Variants in SASH1 observed in about 807,000 individuals in gnomAD.
SASH1 encodes the protein SAM and SH3 domain-containing protein 1.
Under a neutral mutation model 125.2 loss-of-function variants are expected in SASH1, and 44 were observed. That is an observed-to-expected ratio of 0.35 (90% CI 0.28 to 0.45). The LOEUF (loss-of-function observed/expected upper bound fraction) is 0.45. SASH1 is among the 20% of genes least tolerant of loss of function. The probability of loss-of-function intolerance (pLI) is 1.00; values close to 1 mark genes in which losing one functional copy is unlikely to be tolerated. For missense variants in SASH1, 1,426 were observed against 1,614.5 expected (o/e 0.88, Z 2.00); for synonymous variants, 639 against 649.1 (o/e 0.98, Z 0.24).
At chr6:148,212,961 CAG>C in the SASH1 span, among the ~76,000 whole-genome samples, 1 of 152,172 alleles carries the variant, frequency 6.6e-6, no homozygotes, top group African/African-American at 2.4e-5. Flanking sequence ...GGAGGGGACT[CAG>C]GGACATCACT....
the SASH1 span, among the ~76,000 whole-genome samples, chr6:148,265,238 A>G: frequency 6.6e-6 from 1 of 151,116 alleles, no homozygotes; most frequent in Non-Finnish European, 1.5e-5. Context: ...TGAGCCCAGC[A>G]GTTCAAGGCT....
the SASH1 span, among the ~76,000 whole-genome samples, chr6:148,258,657 G>A: frequency 6.6e-6 from 1 of 152,182 alleles, no homozygotes; most frequent in African/African-American, 2.4e-5. Flanking sequence ...CACGTACAAA[G>A]AATGGGTGGG....
the SASH1 span, among the ~76,000 whole-genome samples, chr6:148,239,484 T>G: frequency 6.6e-6 from 1 of 152,158 alleles, no homozygotes; most frequent in Admixed American, 6.5e-5. Context: ...GCTTAGCTTT[T>G]GAAACCTTCT....
chr6:148,516,888 A>AGAG (rs2115339694), intron 9 of SASH1, among the ~76,000 whole-genome samples: 1 of 152,234 alleles, frequency 6.6e-6, no homozygotes, highest in African/African-American at 2.4e-5. Context: ...GAAAGCCAGG[A>AGAG]GAGAGATCAG....
At chr6:148,341,462 G>A (rs1188471263), upstream of SASH1, among the ~76,000 whole-genome samples, 1 of 151,058 alleles carries the variant, frequency 6.6e-6, no homozygotes, top group Non-Finnish European at 1.5e-5. Flanking sequence ...CGCCAGCCCC[G>A]CACCCGCCAA....
intron 2 of SASH1, among the ~76,000 whole-genome samples, chr6:148,436,164 C>T (rs556745671): frequency 2.0e-5 from 3 of 152,200 alleles, no homozygotes; most frequent in African/African-American, 4.8e-5. Flanking sequence ...GAGAGGTGGC[C>T]GTGAACCCTG....
At chr6:148,299,273 C>G (rs958160627) in intron 1 of SASH1, among the ~76,000 whole-genome samples, 1 of 151,860 alleles carries the variant, frequency 6.6e-6, no homozygotes, top group African/African-American at 2.4e-5. Flanking sequence ...GGAGCGGACA[C>G]TCTAACATTA....
rs1783500794 is a variant in SASH1, at chr6:148,387,641, TTTCTTTC to T, written c.157-2490_157-2484del. Among the ~76,000 whole-genome samples, 2 of 86,530 alleles carry T rather than the reference TTTCTTTC, an allele frequency of 2.3e-5. 1 individual carries two copies. Among genetic ancestry groups the T allele is most frequent in the Non-Finnish European group, 4.6e-5 (2 of 43,398 alleles). The allele number at this position is 86,530 out of a possible 152,430, so 56.8% of individuals were successfully genotyped here. A position where few individuals can be genotyped will look rare whatever the true frequency, so the allele number is the denominator to read the frequency against. ...CTTTCTTTCTTTCTTTCTTTCTTTC[TTTCTTTC>T]TTTCTTTCTTTCTTTCTTTCTTTCT... On this transcript the variant is annotated intron_variant, in intron 1 of 19. Transcript: ENST00000367467.
intron 9 of SASH1, among the ~76,000 whole-genome samples, chr6:148,516,381 T>G (rs924163517): frequency 7.2e-5 from 11 of 152,168 alleles, no homozygotes; most frequent in African/African-American, 2.7e-4. Flanking sequence ...CTCCAACCCC[T>G]GCACAATAGA....
chr6:148,311,546 G>A (rs2128518723), intron 1 of SASH1, among the ~76,000 whole-genome samples: 1 of 152,286 alleles, frequency 6.6e-6, no homozygotes, highest in Admixed American at 6.5e-5. Flanking sequence ...GCTAACGCCT[G>A]TAATCCCAAC....
rs771577374 is a variant in SASH1 at position 148,543,936 on chromosome 6, T to A, written c.2466T>A (p.Cys822Ter). The change falls in exon 18 of 20, where the codon TGT becomes TGA. Residue 822 changes from cysteine (C) to a stop codon, truncating the protein, a stop_gained. Coordinates refer to ENST00000367467, the MANE Select transcript of SASH1 (RefSeq NM_015278.5). LOFTEE classifies it high-confidence loss of function. ...TCCCAGTTTCCATCTGCCGGAGCTG[T>A]GAGACCCTGGAGGGCCCCCAGACTG... is the stretch of plus-strand genomic sequence containing the variant. ...RSLPVSICRSCETLEGPQTVD... is the reference protein window; with the variant it reads ...RSLPVSICRS 4 of 1,614,088 alleles carry A rather than the reference T, an allele frequency of 2.5e-6. No individual in the cohort carries two copies. In the African/African-American group the frequency reaches 5.3e-5, roughly 22 times the overall value.
chr6:148,225,102 G>A, the SASH1 span, among the ~76,000 whole-genome samples: 1 of 152,138 alleles, frequency 6.6e-6, no homozygotes, highest in Non-Finnish European at 1.5e-5. Context: ...GGAGCCCCTG[G>A]TTATGGGTGG....
chr6:148,512,338 G>A (rs894831317), intron 8 of SASH1: 2 of 361,620 alleles, frequency 5.5e-6, no homozygotes, highest in South Asian at 1.1e-4. Flanking sequence ...GGTTTGTCCC[G>A]TTGATAGTTA....
chr6:148,296,744 C>G (rs537344103), intron 1 of SASH1, among the ~76,000 whole-genome samples: 1 of 152,104 alleles, frequency 6.6e-6, no homozygotes, highest in African/African-American at 2.4e-5. Flanking sequence ...CCCTTCGGTG[C>G]GGCAGTTTGG....
intron 2 of SASH1, among the ~76,000 whole-genome samples, chr6:148,403,449 A>AT (rs1188698910): frequency 6.6e-6 from 1 of 151,786 alleles, no homozygotes; most frequent in Non-Finnish European, 1.5e-5. Flanking sequence ...TTCATTGTAA[A>AT]AAAATTGAAT....
intron 4 of SASH1, among the ~76,000 whole-genome samples, chr6:148,449,078 C>CTTTTTCTTTTTTTTTTTTCTTTTTTT: frequency 2.3e-5 from 2 of 88,734 alleles, no homozygotes; most frequent in African/African-American, 8.6e-5. Flanking sequence ...CATTTCATTT[C>CTTTTTCTTTTTTTTTTTTCTTTTTTT]TTTTTTTTTT....
chr6:148,427,330 A>G (rs1031897918), intron 2 of SASH1, among the ~76,000 whole-genome samples: 1 of 152,162 alleles, frequency 6.6e-6, no homozygotes. Flanking sequence ...TGAAAAATTG[A>G]ATTATAGAAC....
intron 7 of SASH1, among the ~76,000 whole-genome samples, chr6:148,486,936 AAT>A (rs68036618): frequency 6.6e-4 from 41 of 61,922 alleles, no homozygotes; most frequent in East Asian, 2.2e-3. Flanking sequence ...AACAACAACA[AAT>A]ATATATATAT....
At chr6:148,542,409 C>T (rs141472495) in intron 17 of SASH1, among the ~76,000 whole-genome samples, 5,531 of 151,852 alleles carry the variant, frequency 0.036, 111 homozygotes, top group Middle Eastern at 0.051. Context: ...TTTTATGAGG[C>T]GGAGTCTCGC....
Sources: gnomAD v4.1 joint callset for allele counts (sites outside exome capture counted in the v4.1 genomes callset) on GRCh38, gnomAD v4.1.1 for gene constraint, MANE v1.5 for transcripts, NCBI Gene and HGNC (gene_info 2026-07-23, HGNC 2026-07-21) for gene names.